Variants in BLTP1 observed in about 807,000 individuals in gnomAD.
BLTP1 encodes fragile site-associated protein.
chr4:122,344,249 T>C, the BLTP1 span: 1 of 1,047,390 alleles, frequency 9.5e-7, no homozygotes, highest in Non-Finnish European at 1.3e-6. Flanking sequence ...ATCCCTCTGC[T>C]TAAATTTTTA....
chr4:122,170,144 T>C, the BLTP1 span, among the ~76,000 whole-genome samples: 1 of 151,776 alleles, frequency 6.6e-6, no homozygotes, highest in Non-Finnish European at 1.5e-5. Context: ...CCATCTCTAC[T>C]AAAAATACAA....
the BLTP1 span, chr4:122,286,541 G>A: frequency 3.7e-6 from 6 of 1,613,818 alleles, no homozygotes; most frequent in Non-Finnish European, 5.1e-6. Flanking sequence ...TTTCTTACAG[G>A]TGCACAGACA....
chr4:122,246,045 G>T, the BLTP1 span: 1 of 1,241,930 alleles, frequency 8.1e-7, no homozygotes, highest in Non-Finnish European at 1.0e-6. Flanking sequence ...AACGCAGCTG[G>T]CACATAGATA....
the BLTP1 span, chr4:122,254,479 C>T: frequency 7.6e-7 from 1 of 1,307,770 alleles, no homozygotes; most frequent in Non-Finnish European, 1.0e-6. Context: ...TTTCATCATT[C>T]TTACTTCATA....
the BLTP1 span, chr4:122,239,610 C>A: frequency 6.2e-7 from 1 of 1,613,950 alleles, no homozygotes; most frequent in Non-Finnish European, 8.5e-7. Flanking sequence ...CTTGAAACGA[C>A]AAGCCTCTGT....
At chr4:122,276,544 C>T in the BLTP1 span, 2 of 984,910 alleles carry the variant, frequency 2.0e-6, no homozygotes, top group Non-Finnish European at 2.4e-6. Flanking sequence ...GAATGCTGTT[C>T]ACATCTAGAG....
chr4:122,286,905 C>T, the BLTP1 span: 8 of 837,656 alleles, frequency 9.6e-6, no homozygotes, highest in Non-Finnish European at 1.5e-5. Context: ...TTTGTTTTCA[C>T]AGAAGAATTC....
the BLTP1 span, chr4:122,352,764 C>CT: frequency 3.7e-5 from 36 of 985,326 alleles, no homozygotes; most frequent in Non-Finnish European, 5.2e-5. Context: ...TTAGCTATTG[C>CT]TTAATGTTTA....
the BLTP1 span, chr4:122,221,858 C>T: frequency 2.2e-5 from 22 of 983,516 alleles, no homozygotes; most frequent in Non-Finnish European, 2.7e-5. Context: ...ATGACTATCC[C>T]TGGTTTTTTA....
chr4:122,160,543 T>C, the BLTP1 span, among the ~76,000 whole-genome samples: 1 of 152,240 alleles, frequency 6.6e-6, no homozygotes, highest in Non-Finnish European at 1.5e-5. Context: ...GTATACTTTA[T>C]CTGTATAGCA....
At chr4:122,209,795 ACTGT>A in the BLTP1 span, 51 of 1,610,930 alleles carry the variant, frequency 3.2e-5, no homozygotes, top group African/African-American at 3.5e-4. Flanking sequence ...CTGACTAGAA[ACTGT>A]CTGTTTTACT....
chr4:122,159,456 T>C, the BLTP1 span, among the ~76,000 whole-genome samples: 2 of 148,782 alleles, frequency 1.3e-5, no homozygotes, highest in Non-Finnish European at 3.0e-5. Context: ...AGTGAGACTC[T>C]GTCCCAAAAA....
chr4:122,229,157 G>A, the BLTP1 span: 1 of 1,608,386 alleles, frequency 6.2e-7, no homozygotes, highest in Non-Finnish European at 8.5e-7. Flanking sequence ...AACTTCAGAT[G>A]ATTTGAAATA....
chr4:122,208,436 A>C, the BLTP1 span: 3 of 984,384 alleles, frequency 3.0e-6, no homozygotes, highest in African/African-American at 5.2e-5. Context: ...AAGTAAAGCC[A>C]AATGAAGATC....
At chr4:122,153,048 T>C in the BLTP1 span, 4 of 985,094 alleles carry the variant, frequency 4.1e-6, no homozygotes, top group African/African-American at 7.0e-5. Flanking sequence ...TATTCTGAAT[T>C]GGTGCTTGCT....
At chr4:122,257,121 A>T in the BLTP1 span, 1 of 914,980 alleles carries the variant, frequency 1.1e-6, no homozygotes, top group Admixed American at 2.5e-5. Context: ...TGAACAAATT[A>T]CTTAACATCT....
chr4:122,152,554 G>A, the BLTP1 span: 26 of 985,706 alleles, frequency 2.6e-5, no homozygotes, highest in Non-Finnish European at 3.1e-5. Flanking sequence ...AGAGGCCAGA[G>A]GGATTTCGGG....
chr4:122,354,697 T>TG, the BLTP1 span, among the ~76,000 whole-genome samples: 1 of 151,292 alleles, frequency 6.6e-6, no homozygotes, highest in African/African-American at 2.4e-5. Flanking sequence ...GACAGAGTCT[T>TG]GCTCTGTTGC....
At chr4:122,190,204 C>T in the BLTP1 span, 2 of 1,237,440 alleles carry the variant, frequency 1.6e-6, no homozygotes, top group Non-Finnish European at 2.2e-6. Flanking sequence ...TCAAACAATC[C>T]TCCTACTTCA....
Sources: gnomAD v4.1 joint callset for allele counts (sites outside exome capture counted in the v4.1 genomes callset) on GRCh38, gnomAD v4.1.1 for gene constraint, MANE v1.5 for transcripts, NCBI Gene and HGNC (gene_info 2026-07-23, HGNC 2026-07-21) for gene names.